Variants in ATXN8OS observed in about 807,000 individuals in gnomAD.
ATXN8OS encodes ATXN8 opposite strand lncRNA.
intron 3 of ATXN8OS, chr13:70,130,786 C>T (rs1412652143): frequency 5.0e-6 from 2 of 398,314 alleles, no homozygotes. Flanking sequence ...CAGACTTCAC[C>T]TCGGAGTACC....
chr13:70,156,051 T>C (rs1888932064), intron 4 of ATXN8OS, among the ~76,000 whole-genome samples: 1 of 152,086 alleles, frequency 6.6e-6, no homozygotes, highest in Non-Finnish European at 1.5e-5. Context: ...TAACTAACAA[T>C]AAAAAAACTG....
At chr13:70,108,068 G>A (rs752975861) in intron 1 of ATXN8OS, 3 of 418,150 alleles carry the variant, frequency 7.2e-6, no homozygotes, top group Non-Finnish European at 1.3e-5. Context: ...AGGTCTGAGC[G>A]CTCCGAAGCT....
intron 3 of ATXN8OS, among the ~76,000 whole-genome samples, chr13:70,134,353 A>G (rs928159539): frequency 1.3e-5 from 2 of 152,220 alleles, no homozygotes; most frequent in Non-Finnish European, 2.9e-5. Context: ...CAAGCTCATC[A>G]AAGAATGGAA....
At chr13:70,129,097 C>T (rs866816923) in intron 2 of ATXN8OS, among the ~76,000 whole-genome samples, 2 of 152,060 alleles carry the variant, frequency 1.3e-5, no homozygotes, top group African/African-American at 4.8e-5. Context: ...TGACCTCAGA[C>T]GATCCACCTG....
intron 2 of ATXN8OS, among the ~76,000 whole-genome samples, chr13:70,123,312 T>C (rs1044744768): frequency 1.3e-5 from 2 of 152,154 alleles, no homozygotes; most frequent in Non-Finnish European, 2.9e-5. Flanking sequence ...TTTAGATTAT[T>C]ACATTGATTA....
At chr13:70,110,713 TTATC>T (rs1467684306) in intron 1 of ATXN8OS, among the ~76,000 whole-genome samples, 42 of 152,000 alleles carry the variant, frequency 2.8e-4, no homozygotes, top group Admixed American at 2.8e-3. Context: ...ACTAATTAAT[TTATC>T]TATTATTCAA....
chr13:70,113,226 G>T (rs1888223687), intron 1 of ATXN8OS, among the ~76,000 whole-genome samples: 1 of 151,856 alleles, frequency 6.6e-6, no homozygotes, highest in Non-Finnish European at 1.5e-5. Context: ...GGCCTATGAT[G>T]TGATTTTTAA....
rs74607368 is a variant in ATXN8OS at position 70,159,573 on chromosome 13, T to C, written n.574-10180T>C. ...CCACGTGCATACCATACAATTTACT[T>C]TATTGGTGTATGGTTCCAGGGACAT... is the stretch of plus-strand genomic sequence containing the variant. On this transcript the variant is annotated intron_variant and non_coding_transcript_variant, in intron 4 of 4. Coordinates refer to ENST00000678624, the Ensembl canonical transcript of ATXN8OS. 8.9e-3 allele frequency among the ~76,000 whole-genome samples: 1,363 copies of C among 152,306 alleles called. 15 individuals are homozygous for C. Among genetic ancestry groups the C allele is most frequent in the African/African-American group, 0.03 (1,245 of 41,558 alleles).
At chr13:70,167,607 G>A (rs928058013) in intron 4 of ATXN8OS, among the ~76,000 whole-genome samples, 2 of 150,940 alleles carry the variant, frequency 1.3e-5, no homozygotes, top group Non-Finnish European at 1.5e-5. Flanking sequence ...ACATGCATAC[G>A]TATGTAACTA....
At chr13:70,141,409 A>T (rs1280798442) in intron 3 of ATXN8OS, among the ~76,000 whole-genome samples, 1 of 152,216 alleles carries the variant, frequency 6.6e-6, no homozygotes, top group Non-Finnish European at 1.5e-5. Flanking sequence ...GACATTTGGC[A>T]TAATGAAAGT....
At chr13:70,121,282 GA>G (rs1313563546) in intron 2 of ATXN8OS, among the ~76,000 whole-genome samples, 6 of 152,104 alleles carry the variant, frequency 3.9e-5, no homozygotes, top group Non-Finnish European at 7.4e-5. Context: ...TAGCAAAGAG[GA>G]TGGGATATCA....
At chr13:70,108,300 C>T (rs554504010) in intron 1 of ATXN8OS, 13 of 351,088 alleles carry the variant, frequency 3.7e-5, no homozygotes, top group African/African-American at 2.5e-4. Flanking sequence ...GATAGCCTGC[C>T]GGGTGGCTCT....
intron 3 of ATXN8OS, among the ~76,000 whole-genome samples, chr13:70,147,281 C>G (rs1298263674): frequency 1.3e-5 from 2 of 152,096 alleles, no homozygotes; most frequent in African/African-American, 4.8e-5. Flanking sequence ...TTTATAAAAC[C>G]TGCCAAAGTT....
At chr13:70,136,299 TC>T (rs1888613219) in intron 3 of ATXN8OS, among the ~76,000 whole-genome samples, 2 of 152,174 alleles carry the variant, frequency 1.3e-5, no homozygotes, top group South Asian at 4.1e-4. Context: ...AGGGATAGCC[TC>T]AGACATTAAC....
intron 4 of ATXN8OS, among the ~76,000 whole-genome samples, chr13:70,153,599 A>C (rs1177261611): frequency 2.0e-5 from 3 of 152,138 alleles, no homozygotes; most frequent in African/African-American, 7.2e-5. Context: ...AAAATAAACA[A>C]TTCTTATTCA....
intron 2 of ATXN8OS, among the ~76,000 whole-genome samples, chr13:70,124,646 A>T (rs1335299003): frequency 6.6e-6 from 1 of 152,146 alleles, no homozygotes; most frequent in Non-Finnish European, 1.5e-5. Context: ...AGATCTCAGT[A>T]GCACTCAATC....
intron 4 of ATXN8OS, among the ~76,000 whole-genome samples, chr13:70,167,740 T>C (rs1469356197): frequency 7.5e-5 from 3 of 39,824 alleles, no homozygotes; most frequent in Non-Finnish European, 2.3e-4. Context: ...TTTTTTTTTT[T>C]TTTTTTTTTG....
Position 70,130,187 on chromosome 13 carries a change from G to A in ATXN8OS, n.499+303G>A, listed in dbSNP as rs182453650. Among the ~76,000 whole-genome samples, 3 of 152,060 alleles carry A rather than the reference G, an allele frequency of 2.0e-5. No individual in the cohort carries two copies. The South Asian group carries it at 6.2e-4, about 31-fold the overall frequency. On this transcript the variant is annotated intron_variant and non_coding_transcript_variant, in intron 3 of 4. Coordinates refer to ENST00000678624, the Ensembl canonical transcript of ATXN8OS. The stretch of plus-strand genomic sequence containing the variant: ...GACATAATTACACCACATATGTTGC[G>A]ATACACTAAACACATTTCTTTTTTT...
At chr13:70,118,441 A>G (rs1888312140) in intron 2 of ATXN8OS, among the ~76,000 whole-genome samples, 1 of 152,088 alleles carries the variant, frequency 6.6e-6, no homozygotes, top group Admixed American at 6.6e-5. Flanking sequence ...TGCATTATAA[A>G]GCCATCATTG....
Sources: allele counts gnomAD v4.1 joint callset (sites outside exome capture counted in the v4.1 genomes callset), GRCh38; gene constraint gnomAD v4.1.1; transcripts MANE v1.5; gene names NCBI Gene and HGNC (gene_info 2026-07-23, HGNC 2026-07-21).